DLG2: variants seen among roughly 807,000 people sequenced by gnomAD.
DLG2 encodes discs large MAGUK scaffold protein 2.
DLG2 carries 45 observed loss-of-function variants against 132.5 expected under a neutral mutation model. That is an observed-to-expected ratio of 0.34 (90% CI 0.27 to 0.44). DLG2 has a LOEUF of 0.44. Ranked by LOEUF, DLG2 falls within the 20% of genes least tolerant of loss-of-function variation. The pLI is 1.00. For synonymous variants in DLG2, 424 were observed against 419.6 expected (o/e 1.01, Z -0.13); for missense variants, 1,045 against 1,196.9 (o/e 0.87, Z 1.87).
chr11:84,893,137 T>C (rs1331767762), intron 6 of DLG2, among the ~76,000 whole-genome samples: 1 of 152,148 alleles, frequency 6.6e-6, no homozygotes, highest in Admixed American at 6.6e-5. Flanking sequence ...GGAGCATCCG[T>C]TTCCTCTGTT....
At chr11:83,561,121 A>G (rs55765915) in intron 19 of DLG2, among the ~76,000 whole-genome samples, 32,718 of 152,068 alleles carry the variant, frequency 0.22, 3,699 homozygotes, top group Non-Finnish European at 0.24. Context: ...TGATAACTCT[A>G]TGAGAACAGC....
At chr11:84,926,331 T>C (rs2092975352) in intron 6 of DLG2, among the ~76,000 whole-genome samples, 1 of 152,062 alleles carries the variant, frequency 6.6e-6, no homozygotes. Flanking sequence ...ATGATTGATG[T>C]AGTGATTCAA....
rs2073814841 is a variant in DLG2, at chr11:85,117,657, A to G, written c.283-5922T>C. ...GTAAATAGGAATAAAAAAAAAAACT[A>G]GTAAAAAAAAAAATGAAAAGAGAAG... is the stretch of plus-strand genomic sequence containing the variant. On this transcript the variant is annotated intron_variant, in intron 5 of 27. Transcript: ENST00000376104. 1.3e-5 allele frequency among the ~76,000 whole-genome samples: 2 copies of G among 150,800 alleles called. 1 individual carries two copies. Among genetic ancestry groups the G allele is most frequent in the Admixed American group, 1.3e-4 (2 of 15,078 alleles).
chr11:83,676,173 A>G (rs1444494842), intron 18 of DLG2, among the ~76,000 whole-genome samples: 3 of 152,160 alleles, frequency 2.0e-5, no homozygotes, highest in Non-Finnish European at 4.4e-5. Context: ...AGTCTCTTCA[A>G]AGTGAATTCT....
chr11:84,358,327 T>C (rs994396670), intron 7 of DLG2, among the ~76,000 whole-genome samples: 1 of 151,824 alleles, frequency 6.6e-6, no homozygotes, highest in East Asian at 1.9e-4. Context: ...CACCTGTTCT[T>C]ATAACTTCTG....
chr11:83,823,648 C>A (rs2051529475), intron 17 of DLG2, among the ~76,000 whole-genome samples: 1 of 144,460 alleles, frequency 6.9e-6, no homozygotes, highest in Non-Finnish European at 1.5e-5. Flanking sequence ...AAAGATGAGT[C>A]ATTCATTCAT....
At chr11:83,931,240 T>C (rs2080152159) in intron 14 of DLG2, among the ~76,000 whole-genome samples, 1 of 152,252 alleles carries the variant, frequency 6.6e-6, no homozygotes, top group Non-Finnish European at 1.5e-5. Flanking sequence ...TTTGGTCCTA[T>C]GACCACTTGG....
At chr11:83,550,276 G>T (rs1238041338) in intron 19 of DLG2, among the ~76,000 whole-genome samples, 2 of 152,160 alleles carry the variant, frequency 1.3e-5, no homozygotes, top group African/African-American at 2.4e-5. Context: ...TATAATCAGG[G>T]AAGAAGCATA....
At chr11:84,401,683 T>C (rs2098829922) in intron 7 of DLG2, among the ~76,000 whole-genome samples, 1 of 152,206 alleles carries the variant, frequency 6.6e-6, no homozygotes, top group Non-Finnish European at 1.5e-5. Flanking sequence ...TAAATAACTT[T>C]ACTACACTCT....
chr11:84,460,233 A>G (rs901965426), intron 7 of DLG2, among the ~76,000 whole-genome samples: 2 of 150,654 alleles, frequency 1.3e-5, no homozygotes, highest in African/African-American at 2.4e-5. Flanking sequence ...TGATTCATCA[A>G]TTGACTATTG....
intron 3 of DLG2, among the ~76,000 whole-genome samples, chr11:85,583,128 GTGTA>G (rs1461165792): frequency 4.0e-4 from 11 of 27,426 alleles, no homozygotes; most frequent in South Asian, 2.1e-3. Flanking sequence ...GTGTGTGTGT[GTGTA>G]TATATATATA....
At chr11:84,768,716 G>GA (rs1469497913) in intron 6 of DLG2, among the ~76,000 whole-genome samples, 16 of 151,718 alleles carry the variant, frequency 1.1e-4, no homozygotes, top group East Asian at 1.9e-4. Context: ...TGAAATTTCT[G>GA]AAAAAAAATG....
chr11:84,370,258 T>C (rs2098700656), intron 7 of DLG2, among the ~76,000 whole-genome samples: 1 of 152,178 alleles, frequency 6.6e-6, no homozygotes, highest in African/African-American at 2.4e-5. Flanking sequence ...AGTTGTATTT[T>C]TTTTCAACTT....
At chr11:84,839,923 G>A (rs1168145442) in intron 6 of DLG2, among the ~76,000 whole-genome samples, 1 of 152,092 alleles carries the variant, frequency 6.6e-6, no homozygotes, top group Non-Finnish European at 1.5e-5. Context: ...TCAGGACATA[G>A]GCATGGGCAA....
At chr11:85,190,720 C>T (rs2080459139) in intron 4 of DLG2, among the ~76,000 whole-genome samples, 5 of 151,354 alleles carry the variant, frequency 3.3e-5, no homozygotes, top group African/African-American at 9.7e-5. Flanking sequence ...CTGTTATGAA[C>T]ACCCCTATGC....
chr11:84,560,420 G>A (rs1244867686), intron 6 of DLG2, among the ~76,000 whole-genome samples: 1 of 152,048 alleles, frequency 6.6e-6, no homozygotes, highest in Non-Finnish European at 1.5e-5. Flanking sequence ...GAACTGGCAG[G>A]CACTTTTATC....
intron 3 of DLG2, among the ~76,000 whole-genome samples, chr11:85,571,919 A>C (rs1405490381): frequency 6.6e-6 from 1 of 152,182 alleles, no homozygotes; most frequent in Non-Finnish European, 1.5e-5. Context: ...AGATATATTT[A>C]TCTGTTTTAA....
intron 3 of DLG2, among the ~76,000 whole-genome samples, chr11:85,405,494 GCA>G (rs570395479): frequency 1.4e-4 from 21 of 152,080 alleles, no homozygotes; most frequent in African/African-American, 4.8e-4. Context: ...TTTATAATGA[GCA>G]CACACATGTA....
At chr11:84,341,463 TAA>T (rs2098514262) in intron 7 of DLG2, among the ~76,000 whole-genome samples, 1 of 152,232 alleles carries the variant, frequency 6.6e-6, no homozygotes, top group Non-Finnish European at 1.5e-5. Context: ...AGGTGGGTCT[TAA>T]CCTTGGCTGC....
Sources: allele counts gnomAD v4.1 joint callset (sites outside exome capture counted in the v4.1 genomes callset), GRCh38; gene constraint gnomAD v4.1.1; transcripts MANE v1.5; gene names NCBI Gene and HGNC (gene_info 2026-07-23, HGNC 2026-07-21).